The following SMARCB1 variants were observed in gnomAD, a reference collection of about 807,000 sequenced individuals.
The protein encoded by SMARCB1 is SWI/SNF-related matrix-associated actin-dependent regulator of chromatin subfamily B member 1.
In SMARCB1, 5 loss-of-function variants were observed where a neutral mutation model predicts 49.0. The ratio of observed to expected loss-of-function variants is 0.10; its 90% CI spans 0.05 to 0.21. SMARCB1 has a LOEUF of 0.21. Ranked by LOEUF, SMARCB1 falls within the 10% of genes least tolerant of loss-of-function variation. The pLI, the probability that SMARCB1 is intolerant of heterozygous loss-of-function variation, is 1.00. For synonymous variants in SMARCB1, 201 were observed against 200.1 expected (o/e 1.00, Z -0.04); for missense variants, 226 against 509.2 (o/e 0.44, Z 5.35).
rs535986357 is a variant in SMARCB1, at chr22:23,817,065, T to C, written c.795+129T>C. 844 of 750,284 alleles carry C rather than the reference T, an allele frequency of 1.1e-3. 7 individuals are homozygous for C. The South Asian group carries it at 0.012, about 10-fold the overall frequency. The allele number at this position is 750,284 out of a possible 1,614,324, so 46.5% of individuals were successfully genotyped here. A position where few individuals can be genotyped will look rare whatever the true frequency, so the allele number is the denominator to read the frequency against. ...GGGTTCCATATCATCTGGAAAGTCA[T>C]AACACCTGGCTTTGCTCCCTGCAAT... On this transcript the variant is annotated intron_variant, in intron 6 of 8. Transcript: ENST00000644036.
chr22:23,820,754 A>G (rs2030041824), intron 6 of SMARCB1, among the ~76,000 whole-genome samples: 1 of 152,186 alleles, frequency 6.6e-6, no homozygotes, highest in Non-Finnish European at 1.5e-5. Context: ...GGACAATGGT[A>G]GGAGAGAAGT....
chr22:23,825,719 T>C (rs9612476), intron 7 of SMARCB1: 56,283 of 445,650 alleles, frequency 0.13, 4,104 homozygotes, highest in South Asian at 0.26. Context: ...ACCATTCAGT[T>C]GTCCTGCCCC....
chr22:23,827,202 GC>G (rs1466530949), intron 7 of SMARCB1, among the ~76,000 whole-genome samples: 2 of 152,068 alleles, frequency 1.3e-5, no homozygotes, highest in African/African-American at 4.8e-5. Context: ...TAGGCTGGCT[GC>G]CCCCAGCATC....
intron 3 of SMARCB1, among the ~76,000 whole-genome samples, chr22:23,800,566 T>TGCCCCTCCCCGC (rs1929075980): frequency 6.6e-6 from 1 of 152,158 alleles, no homozygotes; most frequent in African/African-American, 2.4e-5. Context: ...CTGCTGCCCG[T>TGCCCCTCCCCGC]GCCCCTCCCC....
Position 23,835,817 on chromosome 22 carries a change from G to A in SMARCB1, c.*1637G>A. On this transcript the variant is annotated 3_prime_UTR_variant, in exon 9 of 9. Transcript: ENST00000644036. ...GGAACCTTGGCTGCCTCACCCCACA[G>A]GTCGGGCAGGGCCACCTGGCTGGGA... 1 of 985,484 alleles carries A rather than the reference G, an allele frequency of 1.0e-6. No homozygotes were observed. Among genetic ancestry groups the A allele is most frequent in the South Asian group, 4.7e-5 (1 of 21,280 alleles). The allele number at this position is 985,484 out of a possible 1,614,324, so 61.0% of individuals were successfully genotyped here. A position where few individuals can be genotyped will look rare whatever the true frequency, so the allele number is the denominator to read the frequency against.
chr22:23,807,798 CTT>C (rs71184913), intron 5 of SMARCB1, among the ~76,000 whole-genome samples: 5 of 132,682 alleles, frequency 3.8e-5, no homozygotes, highest in Admixed American at 8.0e-5. Context: ...CTTTTTTTTT[CTT>C]TTTTTTTTTT....
Position 23,837,615 on chromosome 22 carries a change from G to A in SMARCB1, c.*3435G>A. 6.3e-7 allele frequency: 1 copy of A among 1,587,088 alleles called. No homozygotes were observed. On this transcript the variant is annotated 3_prime_UTR_variant, in exon 9 of 9. Transcript: ENST00000644036. ...AGGGCATAAGCAGCGTGTCCTGAGGGGAGTGGCCAGCCTGGGGCGGACTAG... is the reference window on the plus strand; with the variant it reads ...AGGGCATAAGCAGCGTGTCCTGAGGAGAGTGGCCAGCCTGGGGCGGACTAG...
At chr22:23,819,027 T>C (rs2029933194) in intron 6 of SMARCB1, among the ~76,000 whole-genome samples, 1 of 151,984 alleles carries the variant, frequency 6.6e-6, no homozygotes, top group Non-Finnish European at 1.5e-5. Flanking sequence ...TTTTTGTATT[T>C]TTTTTGTAGA....
chr22:23,814,238 G>A (rs566730724), intron 5 of SMARCB1, among the ~76,000 whole-genome samples: 10 of 152,288 alleles, frequency 6.6e-5, no homozygotes, highest in South Asian at 6.2e-4. Context: ...GTGACATACC[G>A]TGATGGAACA....
chr22:23,816,564 G>C, intron 5 of SMARCB1: 1 of 647,760 alleles, frequency 1.5e-6, no homozygotes, highest in Non-Finnish European at 2.8e-6. Flanking sequence ...TGGAGCAGGA[G>C]GTCTGTGCAG....
intron 6 of SMARCB1, among the ~76,000 whole-genome samples, chr22:23,821,710 G>A (rs1266195208): frequency 1.3e-5 from 2 of 151,860 alleles, no homozygotes; most frequent in Non-Finnish European, 2.9e-5. Context: ...AATTAGCTGG[G>A]CGTGGTGGCA....
At chr22:23,821,509 A>G (rs2030085174) in intron 6 of SMARCB1, among the ~76,000 whole-genome samples, 1 of 151,982 alleles carries the variant, frequency 6.6e-6, no homozygotes, top group Non-Finnish European at 1.5e-5. Context: ...AGTTGGAACT[A>G]TAAGCACGTA....
At position 23,800,928 on chromosome 22, in the gene SMARCB1, T is replaced by C. The variant is rs1204399986; in HGVS notation, c.363-16T>C. 1.2e-6 allele frequency: 2 copies of C among 1,607,724 alleles called. No homozygotes were observed. The highest frequency in any genetic ancestry group is 1.3e-5 in the African/African-American group (1 of 74,786). On this transcript the variant is annotated splice_polypyrimidine_tract_variant and intron_variant, in intron 3 of 8. Transcript: ENST00000644036. ...CTCCTATACTGACTGGGAGGACTTT[T>C]CTTGTATCTCCTCAGGGAACAGAAG...
intron 5 of SMARCB1, among the ~76,000 whole-genome samples, chr22:23,806,396 C>G (rs1404321237): frequency 6.6e-6 from 1 of 152,078 alleles, no homozygotes; most frequent in Non-Finnish European, 1.5e-5. Context: ...AGTGGAGAAC[C>G]AAAATAGTGT....
chr22:23,821,427 C>CT (rs990904420), intron 6 of SMARCB1, among the ~76,000 whole-genome samples: 1 of 152,036 alleles, frequency 6.6e-6, no homozygotes, highest in Non-Finnish European at 1.5e-5. Context: ...TTCTTCCTTC[C>CT]TTTTTTTTCA....
At position 23,837,348 on chromosome 22, in the gene SMARCB1, G is replaced by T; in HGVS notation, c.*3168G>T. On this transcript the variant is annotated 3_prime_UTR_variant, in exon 9 of 9. Transcript: ENST00000644036. ...AGCTTAAAAGGCCCAGAAGCAGGCAGGACCCAGGGAGGGGAGGGCCTGAGA... is the reference window on the plus strand; with the variant it reads ...AGCTTAAAAGGCCCAGAAGCAGGCATGACCCAGGGAGGGGAGGGCCTGAGA... 1 of 745,390 alleles carries T rather than the reference G, an allele frequency of 1.3e-6. No homozygotes were observed. Among genetic ancestry groups the T allele is most frequent in the Non-Finnish European group, 2.2e-6 (1 of 458,982 alleles). The allele number at this position is 745,390 out of a possible 1,614,324, so 46.2% of individuals were successfully genotyped here. A position where few individuals can be genotyped will look rare whatever the true frequency, so the allele number is the denominator to read the frequency against.
chr22:23,815,579 T>C (rs941034891), intron 5 of SMARCB1: 1 of 152,230 alleles, frequency 6.6e-6, no homozygotes, highest in Non-Finnish European at 1.5e-5. Context: ...CCTTGAGCAT[T>C]TATCCTGGAG....
chr22:23,787,346 T>A, intron 1 of SMARCB1, 84 bp downstream of exon 1: 2 of 778,968 alleles, frequency 2.6e-6, no homozygotes, highest in Admixed American at 3.4e-5. Context: ...AGCGCGCGTC[T>A]CCATTCATCG....
chr22:23,808,719 C>T (rs1343049552), intron 5 of SMARCB1, among the ~76,000 whole-genome samples: 13 of 145,294 alleles, frequency 8.9e-5, no homozygotes, highest in East Asian at 6.1e-4. Context: ...TTTTTTGAGA[C>T]GGAGTTTCCG....
Sources: allele counts gnomAD v4.1 joint callset (sites outside exome capture counted in the v4.1 genomes callset), GRCh38; gene constraint gnomAD v4.1.1; transcripts MANE v1.5; gene names NCBI Gene and HGNC (gene_info 2026-07-23, HGNC 2026-07-21).